Variants in INPP4B observed in about 807,000 individuals in gnomAD.
INPP4B encodes the protein inositol polyphosphate 4-phosphatase type II.
INPP4B carries 55 observed loss-of-function variants against 122.5 expected under a neutral mutation model. That is an observed-to-expected ratio of 0.45 (90% confidence interval 0.36 to 0.56). INPP4B has a LOEUF of 0.56. Ranked by LOEUF, INPP4B falls within the 20% of genes least tolerant of loss-of-function variation. INPP4B has a pLI of 0.00. For missense variants in INPP4B, 1,000 were observed against 1,097.7 expected (o/e 0.91, Z 1.26); for synonymous variants, 403 against 388.7 (o/e 1.04, Z -0.43).
intron 22 of INPP4B, 95 bp downstream of exon 22, chr4:142,112,447 A>T (rs1790678584): frequency 5.9e-6 from 7 of 1,180,586 alleles, no homozygotes; most frequent in African/African-American, 1.6e-5. Flanking sequence ...TCATAAATTG[A>T]TGTTAGTTCT....
intron 17 of INPP4B, among the ~76,000 whole-genome samples, chr4:142,150,182 C>T: frequency 6.6e-6 from 1 of 152,196 alleles, no homozygotes; most frequent in East Asian, 1.9e-4. Flanking sequence ...AGGCTAGGGC[C>T]TACTCTTCTT....
intron 2 of INPP4B, among the ~76,000 whole-genome samples, chr4:142,682,862 G>A (rs1248364805): frequency 6.6e-6 from 1 of 151,862 alleles, no homozygotes; most frequent in Non-Finnish European, 1.5e-5. Flanking sequence ...CCATTAGTAG[G>A]TATAAAAACG....
At chr4:142,184,729 C>T (rs993185888) in intron 15 of INPP4B, among the ~76,000 whole-genome samples, 3 of 152,106 alleles carry the variant, frequency 2.0e-5, no homozygotes, top group Non-Finnish European at 4.4e-5. Flanking sequence ...GACAAGGAGT[C>T]AGAAGAAGCT....
At chr4:142,500,724 C>T (rs1371263727) in intron 2 of INPP4B, among the ~76,000 whole-genome samples, 1 of 151,910 alleles carries the variant, frequency 6.6e-6, no homozygotes, top group Non-Finnish European at 1.5e-5. Flanking sequence ...CTGTCATATG[C>T]AACAACATAG....
chr4:142,687,872 G>T (rs1433295659), intron 2 of INPP4B, among the ~76,000 whole-genome samples: 1 of 152,014 alleles, frequency 6.6e-6, no homozygotes, highest in Non-Finnish European at 1.5e-5. Context: ...TCCAATCTCC[G>T]CCTTGTCCCC....
chr4:142,200,942 G>A (rs1840361294), intron 14 of INPP4B, among the ~76,000 whole-genome samples: 1 of 151,902 alleles, frequency 6.6e-6, no homozygotes, highest in African/African-American at 2.4e-5. Flanking sequence ...ACTAGATATG[G>A]TTTATGTCTA....
intron 25 of INPP4B, among the ~76,000 whole-genome samples, chr4:142,034,179 C>T (rs1196756277): frequency 6.6e-6 from 1 of 152,104 alleles, no homozygotes; most frequent in South Asian, 2.1e-4. Context: ...ATCTATCTAA[C>T]CTTCTTATCA....
rs1238255232 is a variant in INPP4B, at chr4:142,388,559, T to C, written c.372+14379A>G. Among the ~76,000 whole-genome samples the C allele has an allele frequency of 2.0e-5, 3 of 152,242 alleles. No homozygotes were observed. The East Asian group carries it at 5.8e-4, about 29-fold the overall frequency. On this transcript the variant is annotated intron_variant, in intron 7 of 25. Transcript: ENST00000262992. The stretch of plus-strand genomic sequence containing the variant: ...AAAACCTGTTTTCCTCATGGAACCC[T>C]AGGAATTGAAAATGAATAGATCCCA...
intron 1 of INPP4B, among the ~76,000 whole-genome samples, chr4:142,837,156 C>A (rs920906231): frequency 3.0e-5 from 4 of 134,230 alleles, no homozygotes; most frequent in African/African-American, 1.6e-4. Flanking sequence ...AACACAGTCT[C>A]AAAAATAATA....
At chr4:142,559,464 C>G (rs1328103437) in intron 2 of INPP4B, among the ~76,000 whole-genome samples, 2 of 151,936 alleles carry the variant, frequency 1.3e-5, no homozygotes, top group Non-Finnish European at 2.9e-5. Flanking sequence ...AAATGAGAGG[C>G]AAAATGGGGC....
At position 142,123,490 on chromosome 4, in the gene INPP4B, T is replaced by C. The variant is rs1797436073; in HGVS notation, c.1894-75A>G. Reference sequence around the variant, plus strand: ...TTTTATTTTGAAATATTTTAAGACTTCTGAGGCATCACAGATTCGATTATC... The same window carrying C: ...TTTTATTTTGAAATATTTTAAGACTCCTGAGGCATCACAGATTCGATTATC... On this transcript the variant is annotated intron_variant, in intron 19 of 25. Transcript: ENST00000262992. 3.5e-6 allele frequency: 5 copies of C among 1,425,364 alleles called. No individual in the cohort carries two copies. In the South Asian group the frequency reaches 5.2e-5, roughly 15 times the overall value. 88.3% of individuals were successfully genotyped at this position (1,425,364 alleles called of 1,614,324 possible).
chr4:142,291,447 A>T (rs924855081), intron 9 of INPP4B, among the ~76,000 whole-genome samples: 3 of 152,182 alleles, frequency 2.0e-5, no homozygotes, highest in Admixed American at 6.5e-5. Flanking sequence ...GTACACGGCC[A>T]TCGACAATCT....
chr4:142,831,309 C>G (rs189306797), intron 1 of INPP4B, among the ~76,000 whole-genome samples: 2 of 152,276 alleles, frequency 1.3e-5, no homozygotes, highest in Admixed American at 1.3e-4. Flanking sequence ...GCAGAGTCTT[C>G]AAGGGCAGGC....
chr4:142,795,785 C>T (rs1339308964), intron 1 of INPP4B, among the ~76,000 whole-genome samples: 1 of 151,960 alleles, frequency 6.6e-6, no homozygotes, highest in Admixed American at 6.6e-5. Flanking sequence ...TGCTTTAGTC[C>T]TCTCTACAAC....
chr4:142,384,186 G>A (rs1389251805), intron 7 of INPP4B: 13 of 699,212 alleles, frequency 1.9e-5, no homozygotes, highest in Non-Finnish European at 3.4e-5. Context: ...AAGAATTCCA[G>A]TACATGTGGG....
chr4:142,029,339 T>C, intron 25 of INPP4B: 1 of 984,612 alleles, frequency 1.0e-6, no homozygotes, highest in South Asian at 4.7e-5. Flanking sequence ...AGTCTGGCCC[T>C]ATAGATTTTT....
At chr4:142,069,625 G>C (rs2152475316) in intron 25 of INPP4B, among the ~76,000 whole-genome samples, 1 of 152,162 alleles carries the variant, frequency 6.6e-6, no homozygotes, top group East Asian at 1.9e-4. Context: ...GAATCAAATA[G>C]ATGCAATAAA....
At chr4:142,571,127 GA>G (rs1367326821) in intron 2 of INPP4B, among the ~76,000 whole-genome samples, 1 of 147,878 alleles carries the variant, frequency 6.8e-6, no homozygotes, top group African/African-American at 2.5e-5. Flanking sequence ...GAGTGGGGCA[GA>G]AGGTGAAGAG....
chr4:142,213,931 C>A (rs1314469223), intron 12 of INPP4B, among the ~76,000 whole-genome samples: 1 of 152,088 alleles, frequency 6.6e-6, no homozygotes, highest in Non-Finnish European at 1.5e-5. Context: ...AAAGAACCAT[C>A]GGTGCAGTAG....
Sources: gnomAD v4.1 joint callset for allele counts (sites outside exome capture counted in the v4.1 genomes callset) on GRCh38, gnomAD v4.1.1 for gene constraint, MANE v1.5 for transcripts, NCBI Gene and HGNC (gene_info 2026-07-23, HGNC 2026-07-21) for gene names.